The following AADACL4 variants were observed in gnomAD, a reference collection of about 807,000 sequenced individuals.
AADACL4 encodes the protein arylacetamide deacetylase-like 4.
In AADACL4, 9 loss-of-function variants were observed where a neutral mutation model predicts 14.1. The ratio of observed to expected loss-of-function variants is 0.64; its 90% confidence interval spans 0.39 to 1.12. The LOEUF (loss-of-function observed/expected upper bound fraction) is 1.12, where lower values mean the gene tolerates loss of function less well. AADACL4 is among the 50% of genes most tolerant of loss of function. The probability of loss-of-function intolerance (pLI) is 0.01; values close to 1 mark genes in which losing one functional copy is unlikely to be tolerated. For synonymous variants in AADACL4, 188 were observed against 201.6 expected (o/e 0.93, Z 0.57); for missense variants, 531 against 516.1 (o/e 1.03, Z -0.28).
chr1:12,646,626 G>T (rs970221988), intron 1 of AADACL4, among the ~76,000 whole-genome samples: 4 of 152,212 alleles, frequency 2.6e-5, no homozygotes, highest in African/African-American at 9.7e-5. Context: ...TAAAACGAGG[G>T]CCTAAGATGT....
At chr1:12,651,012 G>C in intron 1 of AADACL4, 111 bp from the exon 2 acceptor site, 1 of 1,036,996 alleles carries the variant, frequency 9.6e-7, no homozygotes, top group South Asian at 1.5e-5. Flanking sequence ...GTACCTACAG[G>C]AGGCAGGTGA....
rs1252415150 is a variant in AADACL4, at chr1:12,644,096, T to TA, written c.-450dup. The stretch of plus-strand genomic sequence containing the variant: ...CAAAACTGGGGTTAGGGAAGCTAGC[T>TA]AGGGAGCTGGGGTGAGACGTGCTGT... On this transcript the variant is annotated 5_prime_UTR_variant, in exon 1 of 4. Coordinates refer to ENST00000376221, the MANE Select transcript of AADACL4 (RefSeq NM_001013630.2). Among the ~76,000 whole-genome samples the TA allele has an allele frequency of 6.6e-6, 1 of 152,202 alleles. No homozygotes were observed. The highest frequency in any genetic ancestry group is 2.4e-5 in the African/African-American group (1 of 41,452).
At chr1:12,663,606 G>C (rs1647265736) in intron 3 of AADACL4, among the ~76,000 whole-genome samples, 1 of 152,204 alleles carries the variant, frequency 6.6e-6, no homozygotes, top group Admixed American at 6.5e-5. Context: ...GTGAGCAAGA[G>C]AGAAGTGTAG....
At chr1:12,648,259 C>T (rs532734216) in intron 1 of AADACL4, among the ~76,000 whole-genome samples, 3 of 152,276 alleles carry the variant, frequency 2.0e-5, no homozygotes, top group South Asian at 2.1e-4. Flanking sequence ...CATGAGCCAC[C>T]GCAGCCGGAC....
At chr1:12,645,401 C>T (rs570748380) in intron 1 of AADACL4, among the ~76,000 whole-genome samples, 75 of 151,958 alleles carry the variant, frequency 4.9e-4, no homozygotes, top group Non-Finnish European at 7.2e-4. Context: ...GTGCCAATCA[C>T]TGGGCTCTTT....
At chr1:12,655,189 G>C (rs1461339737) in intron 2 of AADACL4, among the ~76,000 whole-genome samples, 1 of 152,138 alleles carries the variant, frequency 6.6e-6, no homozygotes, top group Non-Finnish European at 1.5e-5. Context: ...TGCAGTTCAG[G>C]GGTAAAGTAA....
chr1:12,666,253 T>C lies in AADACL4; in HGVS notation c.742T>C (p.Phe248Leu). Residue 248 changes from phenylalanine (F) to leucine (L), a missense_variant, in exon 4 of 4, where the codon TTC (phenylalanine) becomes CTC (leucine). Transcript: ENST00000376221. ...AAATGTCCCATTACTTTCCCGGAAG[T>C]TCATGGTGACTTCTCTGTGTAACTA... ...NQNVPLLSRK[F>L]MVTSLCNYLA... The C allele has an allele frequency of 6.2e-7, 1 of 1,614,252 alleles. No individual in the cohort carries two copies. Among genetic ancestry groups the C allele is most frequent in the Non-Finnish European group, 8.5e-7 (1 of 1,180,050 alleles).
At chr1:12,648,835 C>T (rs1647128168) in intron 1 of AADACL4, among the ~76,000 whole-genome samples, 1 of 152,160 alleles carries the variant, frequency 6.6e-6, no homozygotes, top group Non-Finnish European at 1.5e-5. Context: ...CAAACCAAAA[C>T]CAAAACAAAG....
chr1:12,650,365 T>C (rs1476612542), intron 1 of AADACL4, among the ~76,000 whole-genome samples: 1 of 152,138 alleles, frequency 6.6e-6, no homozygotes. Flanking sequence ...CTGATCACGT[T>C]GCTCTTTTTC....
rs1647338100 is a variant in AADACL4 at position 12,666,565 on chromosome 1, G to A, written c.1054G>A (p.Asp352Asn). Residue 352 changes from aspartate to asparagine, a missense_variant, in exon 4 of 4, where the codon GAC becomes AAC. Transcript: ENST00000376221. Reference protein sequence around the residue: ...VSCENDILRDDSLLYKKRLED... With the variant: ...VSCENDILRDNSLLYKKRLED... ...CTGTGAGAATGACATACTCCGTGATGACAGCTTGCTCTATAAGAAGCGCTT... is the reference window on the plus strand; with the variant it reads ...CTGTGAGAATGACATACTCCGTGATAACAGCTTGCTCTATAAGAAGCGCTT... The A allele has an allele frequency of 1.9e-6, 3 of 1,614,228 alleles. No individual in the cohort carries two copies. Among genetic ancestry groups the A allele is most frequent in the Non-Finnish European group, 2.5e-6 (3 of 1,180,046 alleles).
rs936424501 is a variant in AADACL4 at position 12,666,857 on chromosome 1, A to T, written c.*122A>T. The stretch of plus-strand genomic sequence containing the variant: ...TACATCAATGCTTGGGGCAGCTGGG[A>T]AGGGTGAGAAGTAAGCTAACAGTCT... On this transcript the variant is annotated 3_prime_UTR_variant, in exon 4 of 4. Coordinates refer to ENST00000376221, the MANE Select transcript of AADACL4 (RefSeq NM_001013630.2). 9.8e-7 allele frequency: 1 copy of T among 1,023,796 alleles called. No homozygotes were observed. Among genetic ancestry groups the T allele is most frequent in the African/African-American group, 1.6e-5 (1 of 62,010 alleles). The allele number at this position is 1,023,796 out of a possible 1,614,324, so 63.4% of individuals were successfully genotyped here.
In AADACL4 at chr1:12,666,436, G is replaced by A. The variant is rs1356281475; in HGVS notation, c.925G>A (p.Glu309Lys). 1.2e-6 allele frequency: 2 copies of A among 1,614,100 alleles called. No homozygotes were observed. The highest frequency in any genetic ancestry group is 1.7e-6 in the Non-Finnish European group (2 of 1,180,062). ...ACCCTGGTCTCCCGGCCCTTTTAAT[G>A]AAGCTGCCTATCTAGAAGCCAAACA... ...YQPWSPGPFNEAAYLEAKHML... is the reference protein window; with the variant it reads ...YQPWSPGPFNKAAYLEAKHML... Residue 309 changes from glutamate to lysine, a missense_variant, in exon 4 of 4, where the codon GAA (glutamate) becomes AAA (lysine). Glu to Lys is a moderately conservative substitution (Grantham distance 56). Coordinates refer to ENST00000376221, the MANE Select transcript of AADACL4 (RefSeq NM_001013630.2).
Position 12,666,466 on chromosome 1 carries a change from C to G in AADACL4, c.955C>G (p.Leu319Val). 6.2e-7 allele frequency: 1 copy of G among 1,614,216 alleles called. No individual in the cohort carries two copies. Among genetic ancestry groups the G allele is most frequent in the Non-Finnish European group, 8.5e-7 (1 of 1,180,038 alleles). Residue 319 changes from leucine to valine, a missense_variant, in exon 4 of 4, where the codon CTG becomes GTG. Leu to Val is a conservative substitution (Grantham distance 32, BLOSUM62 1). Transcript: ENST00000376221. The stretch of plus-strand genomic sequence containing the variant: ...TGCCTATCTAGAAGCCAAACATATG[C>G]TGGATGTAGAAAATTCACCCCTGAT... ...EAAYLEAKHMLDVENSPLIAD... is the reference protein window; with the variant it reads ...EAAYLEAKHMVDVENSPLIAD...
chr1:12,648,654 C>T (rs1179759363), intron 1 of AADACL4, among the ~76,000 whole-genome samples: 3 of 151,262 alleles, frequency 2.0e-5, no homozygotes, highest in Admixed American at 6.6e-5. Flanking sequence ...CTGCCAGCTT[C>T]GGCTTCCCAA....
rs201839091 is a variant in AADACL4, at chr1:12,665,220, A to AT, written c.450-733dup. ...CCAATTCTTTTAAATTAGATTTTTGATTTTTTTTCGTTTTGTTTTTGAGAT... is the reference window on the plus strand; with the variant it reads ...CCAATTCTTTTAAATTAGATTTTTGATTTTTTTTTCGTTTTGTTTTTGAGAT... On this transcript the variant is annotated intron_variant, in intron 3 of 3. Coordinates refer to ENST00000376221, the MANE Select transcript of AADACL4 (RefSeq NM_001013630.2). 6.7e-3 allele frequency among the ~76,000 whole-genome samples: 1,009 copies of AT among 150,772 alleles called. 15 individuals are homozygous for AT. Among genetic ancestry groups the AT allele is most frequent in the African/African-American group, 0.023 (945 of 41,012 alleles).
chr1:12,664,527 C>G (rs1296893465), intron 3 of AADACL4, among the ~76,000 whole-genome samples: 2 of 151,940 alleles, frequency 1.3e-5, no homozygotes, highest in Non-Finnish European at 2.9e-5. Context: ...CCACCACACC[C>G]CGCTAATTTT....
In AADACL4 at chr1:12,644,236, C is replaced by T. The variant is rs183845855; in HGVS notation, c.-311C>T. Among the ~76,000 whole-genome samples the T allele has an allele frequency of 5.9e-5, 9 of 152,270 alleles. No homozygotes were observed. The highest frequency in any genetic ancestry group is 7.4e-5 in the Non-Finnish European group (5 of 68,006). ...ATATGAGATCTCTTTCTAGGGTTCC[C>T]AGGAGCCGAGGTGCCCATCTGAGCC... On this transcript the variant is annotated 5_prime_UTR_variant, in exon 1 of 4. Coordinates refer to ENST00000376221, the MANE Select transcript of AADACL4 (RefSeq NM_001013630.2).
chr1:12,649,311 A>G (rs373753624), intron 1 of AADACL4, among the ~76,000 whole-genome samples: 15 of 152,294 alleles, frequency 9.8e-5, no homozygotes, highest in African/African-American at 3.6e-4. Flanking sequence ...GCTCCCAGGA[A>G]ACAAAGGGAG....
rs148494822 is a variant in AADACL4, at chr1:12,658,383, C to A, written c.386-3408C>A. On this transcript the variant is annotated intron_variant, in intron 2 of 3. Transcript: ENST00000376221. ...AAGCGAGTATCGTGCCTCAGCCTCCCAAGCAGCTGAGATTACAGGCGCGTG... is the reference window on the plus strand; with the variant it reads ...AAGCGAGTATCGTGCCTCAGCCTCCAAAGCAGCTGAGATTACAGGCGCGTG... 8.3e-3 allele frequency among the ~76,000 whole-genome samples: 1,265 copies of A among 152,042 alleles called. 8 individuals are homozygous for A. Among genetic ancestry groups the A allele is most frequent in the Middle Eastern group, 0.027 (8 of 294 alleles).
Sources: gnomAD v4.1 joint callset for allele counts (sites outside exome capture counted in the v4.1 genomes callset) on GRCh38, gnomAD v4.1.1 for gene constraint, MANE v1.5 for transcripts, NCBI Gene and HGNC (gene_info 2026-07-23, HGNC 2026-07-21) for gene names.